The following IL19 variants were observed in gnomAD, a reference collection of about 807,000 sequenced individuals.
The protein encoded by IL19 is interleukin-19.
Under a neutral mutation model 19.5 loss-of-function variants are expected in IL19, and 15 were observed. The observed-to-expected ratio is 0.77, with a 90% CI of 0.52 to 1.19. The LOEUF is 1.19. Among genes scored for constraint, IL19 ranks in the 50% most tolerant of loss-of-function variants. The pLI is 0.00. For synonymous variants in IL19, 78 were observed against 78.3 expected (o/e 1.00, Z 0.02); for missense variants, 199 against 213.1 (o/e 0.93, Z 0.41).
chr1:206,827,718 A>C (rs1336545726), intron 2 of IL19, among the ~76,000 whole-genome samples: 16 of 151,648 alleles, frequency 1.1e-4, no homozygotes, highest in South Asian at 2.1e-4. Context: ...AACAAAAAAA[A>C]CAAAAAGAAC....
intron 1 of IL19, among the ~76,000 whole-genome samples, chr1:206,776,729 T>C (rs191147681): frequency 2.2e-3 from 330 of 151,862 alleles, no homozygotes; most frequent in African/African-American, 7.5e-3. Context: ...CTCACTAAAA[T>C]GCTAATTAGG....
chr1:206,779,423 T>G (rs770632974), intron 1 of IL19, among the ~76,000 whole-genome samples: 8 of 152,184 alleles, frequency 5.3e-5, no homozygotes, highest in Non-Finnish European at 8.8e-5. Flanking sequence ...GGACCCATTT[T>G]ATGCACCCTT....
Position 206,837,012 on chromosome 1 carries a change from C to A in IL19, c.199C>A (p.Gln67Lys). 1.2e-6 allele frequency: 2 copies of A among 1,612,894 alleles called. No homozygotes were observed. Among genetic ancestry groups the A allele is most frequent in the Non-Finnish European group, 1.7e-6 (2 of 1,178,882 alleles). Reference protein sequence around the residue: ...VTILSTLETLQIIKPLDVCCV... With the variant: ...VTILSTLETLKIIKPLDVCCV... ...TATCCTGTCCACATTGGAGACTCTG[C>A]AGATCATTAAGGTATTGGCCTGTGT... is the stretch of plus-strand genomic sequence containing the variant. The change falls in exon 4 of 7, where the codon CAG becomes AAG. Residue 67 changes from glutamine (Q) to lysine (K), a missense_variant. Physicochemically the swap from Gln to Lys is moderately conservative, Grantham distance 53. Coordinates refer to ENST00000659997, the MANE Select transcript of IL19 (RefSeq NM_153758.5).
chr1:206,784,991 T>C (rs1487735086), intron 1 of IL19, among the ~76,000 whole-genome samples: 1 of 152,234 alleles, frequency 6.6e-6, no homozygotes, highest in African/African-American at 2.4e-5. Context: ...GTGAGGCCAG[T>C]CTGGGTGCTG....
chr1:206,834,878 C>G (rs577730798), intron 2 of IL19, among the ~76,000 whole-genome samples: 14 of 152,304 alleles, frequency 9.2e-5, no homozygotes, highest in Admixed American at 2.6e-4. Flanking sequence ...ACAGCCAGCT[C>G]AGGGACTGGC....
At chr1:206,813,221 G>T (rs1301700401) in intron 2 of IL19, among the ~76,000 whole-genome samples, 1 of 152,212 alleles carries the variant, frequency 6.6e-6, no homozygotes, top group Non-Finnish European at 1.5e-5. Flanking sequence ...TGCATTGCCA[G>T]TTGGCTCTGC....
intron 2 of IL19, among the ~76,000 whole-genome samples, chr1:206,828,363 G>T (rs1316249994): frequency 6.6e-6 from 1 of 152,194 alleles, no homozygotes; most frequent in African/African-American, 2.4e-5. Context: ...GCTCCTTATA[G>T]TTTCTTATAA....
chr1:206,784,215 C>T (rs1273998705), intron 1 of IL19, among the ~76,000 whole-genome samples: 1 of 152,178 alleles, frequency 6.6e-6, no homozygotes, highest in Non-Finnish European at 1.5e-5. Context: ...TTGCTTTCCG[C>T]ATCAATAATC....
At chr1:206,776,111 C>T (rs2102444162) in intron 1 of IL19, among the ~76,000 whole-genome samples, 1 of 152,290 alleles carries the variant, frequency 6.6e-6, no homozygotes, top group East Asian at 1.9e-4. Context: ...AATATTCTCT[C>T]ATTTCTGTAT....
rs191261336 is a variant in IL19 at position 206,829,779 on chromosome 1, C to T, written c.-2-6882C>T. On this transcript the variant is annotated intron_variant, in intron 2 of 6. Transcript: ENST00000659997. ...TCCCTCCATCCCATCACCACTGGGG[C>T]TCTTTCATAACATTTGAACCACAGA... is the stretch of plus-strand genomic sequence containing the variant. 5.3e-5 allele frequency among the ~76,000 whole-genome samples: 8 copies of T among 152,278 alleles called. No homozygotes were observed. In the East Asian group the frequency reaches 1.5e-3, roughly 29 times the overall value.
intron 2 of IL19, among the ~76,000 whole-genome samples, chr1:206,812,359 G>A (rs1440655390): frequency 6.6e-6 from 1 of 152,164 alleles, no homozygotes; most frequent in African/African-American, 2.4e-5. Context: ...GTCTCTACCA[G>A]GAAATACATC....
intron 2 of IL19, among the ~76,000 whole-genome samples, chr1:206,820,324 G>T (rs1347854830): frequency 6.6e-6 from 1 of 152,178 alleles, no homozygotes; most frequent in Admixed American, 6.5e-5. Context: ...TAACCTTCAA[G>T]ATACCAGCAT....
Position 206,798,866 on chromosome 1 carries a change from T to G in IL19, c.-143T>G. On this transcript the variant is annotated 5_prime_UTR_variant, in exon 2 of 7. Transcript: ENST00000659997. ...CTCTATGATTTTCTCCATAGAGCGGTGCTTGCACACACTGACAGGAGTCCA... is the reference window on the plus strand; with the variant it reads ...CTCTATGATTTTCTCCATAGAGCGGGGCTTGCACACACTGACAGGAGTCCA... 1 of 1,500,572 alleles carries G rather than the reference T, an allele frequency of 6.7e-7. No individual in the cohort carries two copies. The highest frequency in any genetic ancestry group is 9.3e-7 in the Non-Finnish European group (1 of 1,079,942). The allele number at this position is 1,500,572 out of a possible 1,614,324, so 93.0% of individuals were successfully genotyped here. A position where few individuals can be genotyped will look rare whatever the true frequency, so the allele number is the denominator to read the frequency against.
intron 2 of IL19, among the ~76,000 whole-genome samples, chr1:206,808,624 G>T (rs1675920934): frequency 6.6e-6 from 1 of 152,084 alleles, no homozygotes; most frequent in African/African-American, 2.4e-5. Flanking sequence ...AGGGTGAGGA[G>T]CCCCTAAGAC....
At chr1:206,813,086 G>A (rs1294229993) in intron 2 of IL19, among the ~76,000 whole-genome samples, 1 of 152,174 alleles carries the variant, frequency 6.6e-6, no homozygotes, top group Non-Finnish European at 1.5e-5. Context: ...TTTTTGTGGA[G>A]CAGTGTAATG....
rs1676887927 is a variant in IL19, at chr1:206,838,743, TCCC to T, written c.211-1106_211-1104del. Among the ~76,000 whole-genome samples the T allele has an allele frequency of 8.1e-3, 89 of 11,052 alleles. 2 individuals carry two copies. Among genetic ancestry groups the T allele is most frequent in the South Asian group, 0.054 (27 of 498 alleles). 7.3% of individuals were successfully genotyped at this position (11,052 alleles called of 152,430 possible). A position where few individuals can be genotyped will look rare whatever the true frequency, so the allele number is the denominator to read the frequency against. On this transcript the variant is annotated intron_variant, in intron 4 of 6. Transcript: ENST00000659997. The stretch of plus-strand genomic sequence containing the variant: ...TCAGGTTCCTTCCCTTCCTTTCCCT[TCCC>T]TTCCCTTCCCTTCCCTTCCCTTCCC...
intron 4 of IL19, among the ~76,000 whole-genome samples, chr1:206,839,254 G>A (rs1676915975): frequency 6.6e-6 from 1 of 152,206 alleles, no homozygotes; most frequent in South Asian, 2.1e-4. Context: ...GCAAATCTCA[G>A]CCTCATTCCA....
chr1:206,830,852 C>T lies in IL19; in HGVS notation c.-2-5809C>T, dbSNP rs527727272. On this transcript the variant is annotated intron_variant, in intron 2 of 6. Transcript: ENST00000659997. ...TTGGCCTCCCAAAGTGCTGGGATTA[C>T]AGGCGTGAGCCACCGCTCCTGGCCT... Among the ~76,000 whole-genome samples, 9 of 152,320 alleles carry T rather than the reference C, an allele frequency of 5.9e-5. No homozygotes were observed. The East Asian group carries it at 9.6e-4, about 16-fold the overall frequency.
At chr1:206,771,328 T>TC in intron 1 of IL19, 1 of 1,596,376 alleles carries the variant, frequency 6.3e-7, no homozygotes, top group Non-Finnish European at 8.6e-7. Flanking sequence ...TGCTGCACAC[T>TC]CCCCCAGCAC....
Sources: allele counts gnomAD v4.1 joint callset (sites outside exome capture counted in the v4.1 genomes callset), GRCh38; gene constraint gnomAD v4.1.1; transcripts MANE v1.5; gene names NCBI Gene and HGNC (gene_info 2026-07-23, HGNC 2026-07-21).